The following ARHGAP15 variants were observed in gnomAD, a reference collection of about 807,000 sequenced individuals.
The protein encoded by ARHGAP15 is Rho GTPase activating protein 15, also known as rho GTPase-activating protein 15.
A neutral mutation model predicts 63.7 loss-of-function variants in ARHGAP15; 51 were observed. That is an observed-to-expected ratio of 0.80 (90% confidence interval 0.64 to 1.01). ARHGAP15 has a LOEUF of 1.01. Ranked by LOEUF, ARHGAP15 falls within the 50% of genes least tolerant of loss-of-function variation. ARHGAP15 has a pLI of 0.00. For synonymous variants in ARHGAP15, 191 were observed against 193.8 expected, an observed-to-expected ratio of 0.99 and a Z score of 0.12; for missense variants, 560 against 564.6, an observed-to-expected ratio of 0.99 and a Z score of 0.08.
chr2:143,701,839 T>TC (rs1684103964), intron 12 of ARHGAP15, among the ~76,000 whole-genome samples: 1 of 152,174 alleles, frequency 6.6e-6, no homozygotes, highest in Non-Finnish European at 1.5e-5. Context: ...GAGCTTCAGT[T>TC]CCCCAGATTA....
chr2:143,536,473 T>C (rs1694768870), intron 10 of ARHGAP15, among the ~76,000 whole-genome samples: 1 of 151,030 alleles, frequency 6.6e-6, no homozygotes, highest in South Asian at 2.1e-4. Flanking sequence ...GCTGCACCCA[T>C]TAACTCATCA....
intron 12 of ARHGAP15, among the ~76,000 whole-genome samples, chr2:143,629,200 C>A (rs1032149516): frequency 5.1e-4 from 76 of 150,396 alleles, no homozygotes; most frequent in African/African-American, 1.5e-3. Flanking sequence ...AAAAAAAAAA[C>A]CCCATTAATA....
intron 6 of ARHGAP15, among the ~76,000 whole-genome samples, chr2:143,293,536 T>C (rs906914951): frequency 1.3e-5 from 2 of 152,042 alleles, no homozygotes; most frequent in Non-Finnish European, 2.9e-5. Context: ...TTTCGCACAG[T>C]TTAGAGTGTG....
intron 9 of ARHGAP15, among the ~76,000 whole-genome samples, chr2:143,498,429 T>G (rs1033189933): frequency 6.6e-6 from 1 of 152,190 alleles, no homozygotes; most frequent in African/African-American, 2.4e-5. Flanking sequence ...GAAATTGCAA[T>G]AGGGAGAGGT....
chr2:143,512,864 A>G (rs1012079293), intron 9 of ARHGAP15, among the ~76,000 whole-genome samples: 2 of 152,228 alleles, frequency 1.3e-5, no homozygotes, highest in South Asian at 2.1e-4. Flanking sequence ...TGCGGCACAT[A>G]AGCATCTTCC....
intron 6 of ARHGAP15, among the ~76,000 whole-genome samples, chr2:143,309,554 C>T (rs1468923811): frequency 1.3e-5 from 2 of 151,982 alleles, no homozygotes. Context: ...GAATACTATT[C>T]CTCTGTGATG....
chr2:143,624,262 C>T lies in ARHGAP15; in HGVS notation c.1133C>T (p.Ala378Val), dbSNP rs749157476. The change falls in exon 12 of 14, where the codon GCG becomes GTG. Residue 378 changes from alanine to valine, a missense_variant. By Grantham distance (64) the Ala-to-Val change is moderately conservative. Coordinates refer to ENST00000295095, the MANE Select transcript of ARHGAP15 (RefSeq NM_018460.4). Reference protein sequence around the residue: ...PYSFFEQFVEAIKKQDNNTRI... With the variant: ...PYSFFEQFVEVIKKQDNNTRI... The stretch of plus-strand genomic sequence containing the variant: ...AGTTTCTTTGAGCAGTTTGTGGAAG[C>T]GATCAGTAAGTACCTCACAGAAAAG... 5.6e-6 allele frequency: 9 copies of T among 1,612,398 alleles called. No homozygotes were observed. Among genetic ancestry groups the T allele is most frequent in the Admixed American group, 1.7e-5 (1 of 59,898 alleles).
intron 12 of ARHGAP15, among the ~76,000 whole-genome samples, chr2:143,667,564 G>A (rs1176952805): frequency 7.9e-6 from 1 of 125,890 alleles, no homozygotes; most frequent in East Asian, 2.2e-4. Flanking sequence ...AAAACTTAAA[G>A]TATAATTTAA....
chr2:143,455,008 A>G (rs759315934), intron 8 of ARHGAP15, among the ~76,000 whole-genome samples: 16 of 152,034 alleles, frequency 1.1e-4, no homozygotes, highest in African/African-American at 2.9e-4. Context: ...GGGGCTCCCA[A>G]TCCAGACCCC....
intron 1 of ARHGAP15, 141 bp from the exon 2 acceptor site, chr2:143,155,335 CT>C: frequency 1.3e-6 from 1 of 747,026 alleles, no homozygotes; most frequent in South Asian, 2.3e-5. Context: ...AAAGGAACTA[CT>C]TTTTTCTTCA....
chr2:143,327,625 T>C (rs139079440), intron 6 of ARHGAP15, among the ~76,000 whole-genome samples: 2,892 of 152,226 alleles, frequency 0.019, 98 homozygotes, highest in African/African-American at 0.065. Context: ...GATTAAAGAC[T>C]TAACATAAGA....
intron 5 of ARHGAP15, among the ~76,000 whole-genome samples, chr2:143,249,893 G>A (rs1680062346): frequency 6.6e-6 from 1 of 152,032 alleles, no homozygotes; most frequent in Non-Finnish European, 1.5e-5. Context: ...TAGTCTTAAA[G>A]TCTGAAAAGT....
At chr2:143,490,296 G>T (rs1692531434) in intron 9 of ARHGAP15, among the ~76,000 whole-genome samples, 1 of 152,164 alleles carries the variant, frequency 6.6e-6, no homozygotes, top group African/African-American at 2.4e-5. Flanking sequence ...ACCACGCCCG[G>T]CCGGCCATGT....
intron 8 of ARHGAP15, among the ~76,000 whole-genome samples, chr2:143,447,520 A>G (rs1448422616): frequency 6.6e-6 from 1 of 152,164 alleles, no homozygotes; most frequent in Non-Finnish European, 1.5e-5. Context: ...GTGATATCTG[A>G]GTTCTGGGGA....
At chr2:143,271,627 C>A (rs546996343) in intron 6 of ARHGAP15, among the ~76,000 whole-genome samples, 31 of 152,342 alleles carry the variant, frequency 2.0e-4, no homozygotes, top group Non-Finnish European at 3.8e-4. Flanking sequence ...AGGTGCCTGC[C>A]ACCTCGCCCG....
intron 13 of ARHGAP15, among the ~76,000 whole-genome samples, chr2:143,709,357 A>C (rs1486651046): frequency 6.6e-6 from 1 of 152,250 alleles, no homozygotes; most frequent in Non-Finnish European, 1.5e-5. Context: ...TTTAATAATG[A>C]CTTAGGAAGT....
intron 11 of ARHGAP15, among the ~76,000 whole-genome samples, chr2:143,573,343 C>T (rs576809247): frequency 6.6e-6 from 1 of 152,258 alleles, no homozygotes. Flanking sequence ...TTAATGGTCC[C>T]TCTGCTAGAA....
chr2:143,683,818 C>T (rs920788393), intron 12 of ARHGAP15, among the ~76,000 whole-genome samples: 13 of 152,118 alleles, frequency 8.5e-5, no homozygotes, highest in Non-Finnish European at 1.8e-4. Context: ...TCCTCCAAGA[C>T]TTTGTTTTTC....
In ARHGAP15 at chr2:143,641,202, A is replaced by G. The variant is rs190363769; in HGVS notation, c.1138+16935A>G. The G allele has an allele frequency of 9.9e-5, 15 of 152,218 alleles. No individual in the cohort carries two copies. The East Asian group carries it at 1.9e-3, about 20-fold the overall frequency. The allele number at this position is 152,218 out of a possible 1,614,324, so 9.4% of individuals were successfully genotyped here. A position where few individuals can be genotyped will look rare whatever the true frequency, so the allele number is the denominator to read the frequency against. ...ATTTCCCAATGCGAAGCAGCACTGC[A>G]TTTTGCATACTTGCTTAGCGGTGGG... On this transcript the variant is annotated intron_variant, in intron 12 of 13. Transcript: ENST00000295095.
Sources: allele counts gnomAD v4.1 joint callset (sites outside exome capture counted in the v4.1 genomes callset), GRCh38; gene constraint gnomAD v4.1.1; transcripts MANE v1.5; gene names NCBI Gene and HGNC (gene_info 2026-07-23, HGNC 2026-07-21).